Variants in CRPPA observed in about 807,000 individuals in gnomAD.
The protein encoded by CRPPA is CDP-L-ribitol pyrophosphorylase A, also known as D-ribitol-5-phosphate cytidylyltransferase.
Under a neutral mutation model 52.0 loss-of-function variants are expected in CRPPA, and 43 were observed. The observed-to-expected ratio is 0.83, with a 90% CI of 0.65 to 1.07. The LOEUF is 1.07. Ranked by LOEUF, CRPPA falls within the 50% of genes least tolerant of loss-of-function variation. The pLI is 0.00. For missense variants in CRPPA, 629 were observed against 551.7 expected (o/e 1.14, Z -1.40); for synonymous variants, 250 against 203.5 (o/e 1.23, Z -1.94).
At chr7:16,098,522 T>C (rs1176245990) in intron 9 of CRPPA, among the ~76,000 whole-genome samples, 1 of 152,156 alleles carries the variant, frequency 6.6e-6, no homozygotes, top group Non-Finnish European at 1.5e-5. Flanking sequence ...TATGCAAAAA[T>C]TATTATTTAA....
At chr7:16,172,214 C>G (rs1234955150) in intron 9 of CRPPA, among the ~76,000 whole-genome samples, 1 of 152,146 alleles carries the variant, frequency 6.6e-6, no homozygotes, top group Non-Finnish European at 1.5e-5. Flanking sequence ...TGCCATCATA[C>G]AAGAAGACTG....
rs1304837884 is a variant in CRPPA, at chr7:16,220,847, A to G, written c.1120-4650T>C. Among the ~76,000 whole-genome samples, 16 of 152,344 alleles carry G rather than the reference A, an allele frequency of 1.1e-4. No individual in the cohort carries two copies. In the East Asian group the frequency reaches 3.1e-3, roughly 29 times the overall value. On this transcript the variant is annotated intron_variant, in intron 8 of 9. Coordinates refer to ENST00000407010, the MANE Select transcript of CRPPA (RefSeq NM_001101426.4). Reference sequence around the variant, plus strand: ...ATGCTCATGGGTAGGAAGAATCAAAATCGTGAAAACGGCCATACTGCCCAA... The same window carrying G: ...ATGCTCATGGGTAGGAAGAATCAAAGTCGTGAAAACGGCCATACTGCCCAA...
rs1002413958 is a variant in CRPPA at position 16,091,470 on chromosome 7, T to C, written c.*225A>G. 2 of 390,408 alleles carry C rather than the reference T, an allele frequency of 5.1e-6. No individual in the cohort carries two copies. Among genetic ancestry groups the C allele is most frequent in the African/African-American group, 4.3e-5 (2 of 46,740 alleles). 24.2% of individuals were successfully genotyped at this position (390,408 alleles called of 1,614,324 possible). ...GCTATTATTTTCCACTTATCTACTA[T>C]TTTTTTCTGGTTCAGGCAATTAATA... On this transcript the variant is annotated 3_prime_UTR_variant, in exon 10 of 10. Transcript: ENST00000407010.
chr7:16,273,019 G>C (rs1276057604), intron 6 of CRPPA, among the ~76,000 whole-genome samples: 4 of 151,366 alleles, frequency 2.6e-5, no homozygotes, highest in Admixed American at 2.6e-4. Context: ...CAATGTGCAG[G>C]TTAGTTACAT....
chr7:16,376,277 A>C (rs1251108890), intron 2 of CRPPA, 36 bp from the exon 3 acceptor site: 1 of 1,556,668 alleles, frequency 6.4e-7, no homozygotes, highest in Non-Finnish European at 8.7e-7. Flanking sequence ...TATTTCACCT[A>C]CAAGCCATTT....
chr7:16,252,925 G>A (rs1277049750), intron 8 of CRPPA, among the ~76,000 whole-genome samples: 3 of 151,908 alleles, frequency 2.0e-5, no homozygotes, highest in African/African-American at 7.2e-5. Flanking sequence ...ATGGTAGTTT[G>A]TATTTCTGTG....
intron 5 of CRPPA, among the ~76,000 whole-genome samples, chr7:16,291,323 T>C (rs1784559569): frequency 6.6e-6 from 1 of 151,932 alleles, no homozygotes; most frequent in Non-Finnish European, 1.5e-5. Context: ...TAATAGCCAA[T>C]ATACAAAATC....
intron 2 of CRPPA, among the ~76,000 whole-genome samples, chr7:16,381,263 C>T (rs550992116): frequency 7.2e-5 from 11 of 151,936 alleles, no homozygotes; most frequent in South Asian, 4.2e-4. Flanking sequence ...GTAGTCATTC[C>T]GGAGCAGGTT....
At chr7:16,156,281 C>G (rs1373986746) in intron 9 of CRPPA, among the ~76,000 whole-genome samples, 6 of 152,168 alleles carry the variant, frequency 3.9e-5, no homozygotes, top group Non-Finnish European at 7.3e-5. Flanking sequence ...CTATCTTAGA[C>G]AAGACTTTCT....
At chr7:16,188,577 G>T (rs1781549514) in intron 9 of CRPPA, among the ~76,000 whole-genome samples, 2 of 152,108 alleles carry the variant, frequency 1.3e-5, no homozygotes, top group African/African-American at 4.8e-5. Context: ...ACATACAACA[G>T]AAACTCTCAG....
chr7:16,306,644 G>A (rs1363134455), intron 4 of CRPPA, among the ~76,000 whole-genome samples: 4 of 152,132 alleles, frequency 2.6e-5, no homozygotes, highest in African/African-American at 7.2e-5. Flanking sequence ...GCAATAAAAC[G>A]CCTTAGAGTT....
chr7:16,316,800 T>G (rs1310536961), intron 3 of CRPPA, among the ~76,000 whole-genome samples: 2 of 152,080 alleles, frequency 1.3e-5, no homozygotes, highest in Non-Finnish European at 2.9e-5. Flanking sequence ...GAGGCTGCAG[T>G]GAACCACAAT....
intron 9 of CRPPA, among the ~76,000 whole-genome samples, chr7:16,183,790 G>T (rs528562626): frequency 5.3e-4 from 81 of 152,230 alleles, no homozygotes; most frequent in Non-Finnish European, 1.1e-3. Flanking sequence ...GTGCCTAAGA[G>T]AAGCCAATAA....
intron 9 of CRPPA, among the ~76,000 whole-genome samples, chr7:16,126,370 T>C (rs937349995): frequency 6.6e-6 from 1 of 152,162 alleles, no homozygotes; most frequent in African/African-American, 2.4e-5. Flanking sequence ...ACTATCAGGA[T>C]GCAAGGCCCA....
At chr7:16,246,502 T>A (rs1783279325) in intron 8 of CRPPA, among the ~76,000 whole-genome samples, 1 of 152,210 alleles carries the variant, frequency 6.6e-6, no homozygotes. Flanking sequence ...CAATTTACTT[T>A]GCTCAGATCC....
intron 9 of CRPPA, chr7:16,210,540 T>C (rs1339766540): frequency 6.6e-6 from 1 of 152,138 alleles, no homozygotes; most frequent in Non-Finnish European, 1.5e-5. Flanking sequence ...CAGGAGCTCA[T>C]GAAATCATGA....
At chr7:16,388,956 A>G (rs1375309891) in intron 2 of CRPPA, among the ~76,000 whole-genome samples, 1 of 152,202 alleles carries the variant, frequency 6.6e-6, no homozygotes, top group Admixed American at 6.5e-5. Context: ...CATTTCTATC[A>G]ACCTCAGAGA....
rs542623943 is a variant in CRPPA at position 16,117,903 on chromosome 7, T to C, written c.1252-26104A>G. 8.5e-5 allele frequency among the ~76,000 whole-genome samples: 13 copies of C among 152,316 alleles called. No individual in the cohort carries two copies. The South Asian group carries it at 2.7e-3, about 32-fold the overall frequency. On this transcript the variant is annotated intron_variant, in intron 9 of 9. Coordinates refer to ENST00000407010, the MANE Select transcript of CRPPA (RefSeq NM_001101426.4). ...TTATTGTAACTTACTTCCCCACCTTTGAGTCCTAGAGTGACTGTCTCCTAA... is the reference window on the plus strand; with the variant it reads ...TTATTGTAACTTACTTCCCCACCTTCGAGTCCTAGAGTGACTGTCTCCTAA...
chr7:16,178,348 T>C (rs541603818), intron 9 of CRPPA, among the ~76,000 whole-genome samples: 1 of 152,254 alleles, frequency 6.6e-6, no homozygotes, highest in African/African-American at 2.4e-5. Context: ...CAGTACCATA[T>C]GAAGTACAGT....
Sources: allele counts gnomAD v4.1 joint callset (sites outside exome capture counted in the v4.1 genomes callset), GRCh38; gene constraint gnomAD v4.1.1; transcripts MANE v1.5; gene names NCBI Gene and HGNC (gene_info 2026-07-23, HGNC 2026-07-21).